Variants in RIMS3 observed in about 807,000 individuals in gnomAD.
The protein encoded by RIMS3 is regulating synaptic membrane exocytosis 3.
RIMS3 carries 15 observed loss-of-function variants against 29.2 expected under a neutral mutation model. The observed-to-expected ratio is 0.51, with a 90% confidence interval of 0.34 to 0.79. The LOEUF (loss-of-function observed/expected upper bound fraction) is 0.79, where lower values mean the gene tolerates loss of function less well. Ranked by LOEUF, RIMS3 falls within the 30% of genes least tolerant of loss-of-function variation. The pLI is 0.01. For synonymous variants in RIMS3, 161 were observed against 170.1 expected (o/e 0.95, Z 0.41); for missense variants, 342 against 421.4 (o/e 0.81, Z 1.65).
intron 3 of RIMS3, among the ~76,000 whole-genome samples, chr1:40,640,372 G>A (rs1023842379): frequency 4.6e-5 from 7 of 152,050 alleles, no homozygotes; most frequent in African/African-American, 7.2e-5. Context: ...TTTCCCCAGC[G>A]AGAAACCACA....
intron 1 of RIMS3, among the ~76,000 whole-genome samples, chr1:40,662,328 T>G (rs561270059): frequency 2.0e-5 from 3 of 152,144 alleles, no homozygotes; most frequent in Non-Finnish European, 4.4e-5. Context: ...CTTGGCACCC[T>G]TCATGACTCA....
chr1:40,678,426 A>C, the RIMS3 span, among the ~76,000 whole-genome samples: 1 of 152,200 alleles, frequency 6.6e-6, no homozygotes, highest in Non-Finnish European at 1.5e-5. Flanking sequence ...AAACAAAAAA[A>C]GGAAGGTAAT....
the RIMS3 span, among the ~76,000 whole-genome samples, chr1:40,676,197 A>G: frequency 6.6e-6 from 1 of 152,174 alleles, no homozygotes; most frequent in African/African-American, 2.4e-5. Flanking sequence ...CTGCAGCCCA[A>G]TGAGCCTGAC....
At chr1:40,664,946 A>G (rs1029481750) in intron 1 of RIMS3, among the ~76,000 whole-genome samples, 3 of 152,048 alleles carry the variant, frequency 2.0e-5, no homozygotes, top group African/African-American at 7.3e-5. Context: ...TATGGGGTGG[A>G]GGGGGTCCTC....
chr1:40,686,840 T>C, the RIMS3 span, among the ~76,000 whole-genome samples: 1 of 152,182 alleles, frequency 6.6e-6, no homozygotes, highest in East Asian at 1.9e-4. Flanking sequence ...GCCTAAACCA[T>C]TGTGGAAGTC....
upstream of RIMS3, among the ~76,000 whole-genome samples, chr1:40,666,010 C>CCCCTG (rs928924103): frequency 3.9e-5 from 6 of 152,176 alleles, no homozygotes; most frequent in South Asian, 2.1e-4. Context: ...ACCACGGCGC[C>CCCCTG]CCCTGCCCTG....
chr1:40,642,357 A>G (rs1646564180), intron 2 of RIMS3, among the ~76,000 whole-genome samples: 1 of 152,210 alleles, frequency 6.6e-6, no homozygotes, highest in African/African-American at 2.4e-5. Context: ...GATTACATTA[A>G]ATAATGCACA....
chr1:40,668,153 A>C (rs959596599), upstream of RIMS3, among the ~76,000 whole-genome samples: 1 of 151,130 alleles, frequency 6.6e-6, no homozygotes, highest in Admixed American at 6.6e-5. Flanking sequence ...TGGGAGACTG[A>C]GGCAGGAGAA....
chr1:40,646,313 C>T (rs940579074), intron 2 of RIMS3, among the ~76,000 whole-genome samples: 4 of 152,126 alleles, frequency 2.6e-5, no homozygotes, highest in Non-Finnish European at 5.9e-5. Flanking sequence ...CATAGCAACC[C>T]CTGAGCCATC....
rs140966303 is a variant in RIMS3 at position 40,664,231 on chromosome 1, A to G, written c.-207+1163T>C. Reference sequence around the variant, plus strand: ...GGCACATGGGTCACCTCCCCAGCACATCCCTGCCAACCCACCCACCCCGCC... The same window carrying G: ...GGCACATGGGTCACCTCCCCAGCACGTCCCTGCCAACCCACCCACCCCGCC... On this transcript the variant is annotated intron_variant, in intron 1 of 7. Coordinates refer to ENST00000372684, the MANE Select transcript of RIMS3 (RefSeq NM_014747.3). Among the ~76,000 whole-genome samples the G allele has an allele frequency of 4.6e-3, 702 of 152,174 alleles. 6 individuals are homozygous for G. The highest frequency in any genetic ancestry group is 0.016 in the African/African-American group (678 of 41,520).
At chr1:40,670,650 G>A (rs1416434720), upstream of RIMS3, among the ~76,000 whole-genome samples, 5 of 138,606 alleles carry the variant, frequency 3.6e-5, no homozygotes, top group South Asian at 2.3e-4. Context: ...AGGCAGTGGC[G>A]TGATCTCTGC....
chr1:40,667,825 G>A (rs1642444013), upstream of RIMS3, among the ~76,000 whole-genome samples: 2 of 152,016 alleles, frequency 1.3e-5, no homozygotes, highest in Admixed American at 6.5e-5. Context: ...GGAATTCAAT[G>A]TATGATAAAG....
intron 3 of RIMS3, among the ~76,000 whole-genome samples, chr1:40,637,281 T>C (rs1021128916): frequency 6.6e-6 from 1 of 152,206 alleles, no homozygotes; most frequent in Non-Finnish European, 1.5e-5. Flanking sequence ...TTCCTCCTGC[T>C]TCGTCTGCTT....
rs563224136 is a variant in RIMS3, at chr1:40,645,773, C to A, written c.-32+1895G>T. On this transcript the variant is annotated intron_variant, in intron 2 of 7. Transcript: ENST00000372684. Reference sequence around the variant, plus strand: ...ATTCCTGACCCTGCCAACCCAGGGGCTCATGTTTCCTCATGAATAATAAAT... The same window carrying A: ...ATTCCTGACCCTGCCAACCCAGGGGATCATGTTTCCTCATGAATAATAAAT... Among the ~76,000 whole-genome samples, 90 of 152,302 alleles carry A rather than the reference C, an allele frequency of 5.9e-4. No homozygotes were observed. The South Asian group carries it at 0.011, about 18-fold the overall frequency.
At chr1:40,691,516 C>T in the RIMS3 span, 14 of 300,302 alleles carry the variant, frequency 4.7e-5, no homozygotes, top group Non-Finnish European at 6.6e-5. Context: ...CGAAAGGGGG[C>T]GGGGTCAAAA....
chr1:40,685,003 T>C, the RIMS3 span, among the ~76,000 whole-genome samples: 26 of 152,106 alleles, frequency 1.7e-4, no homozygotes, highest in African/African-American at 6.3e-4. Context: ...CTCGCTTAGA[T>C]TTGGTCAGCT....
the RIMS3 span, among the ~76,000 whole-genome samples, chr1:40,675,733 G>A: frequency 2.0e-3 from 300 of 148,530 alleles, 3 homozygotes; most frequent in African/African-American, 7.1e-3. Context: ...ACTCCAGCCT[G>A]GGAAACAAGA....
intron 2 of RIMS3, among the ~76,000 whole-genome samples, chr1:40,646,582 T>C (rs1256567174): frequency 6.6e-6 from 1 of 152,172 alleles, no homozygotes; most frequent in Non-Finnish European, 1.5e-5. Flanking sequence ...TCTGAAGTTC[T>C]TCCTGCTGAC....
At chr1:40,682,354 G>GT in the RIMS3 span, among the ~76,000 whole-genome samples, 281 of 152,250 alleles carry the variant, frequency 1.8e-3, no homozygotes, top group African/African-American at 6.4e-3. Flanking sequence ...TAGCCACAGT[G>GT]TAAGTGCTAT....
Sources: allele counts gnomAD v4.1 joint callset (sites outside exome capture counted in the v4.1 genomes callset), GRCh38; gene constraint gnomAD v4.1.1; transcripts MANE v1.5; gene names NCBI Gene and HGNC (gene_info 2026-07-23, HGNC 2026-07-21).